NBR1: variants seen among roughly 807,000 people sequenced by gnomAD.
NBR1 encodes the protein NBR1 autophagy cargo receptor.
NBR1 carries 59 observed loss-of-function variants against 115.5 expected under a neutral mutation model. The ratio of observed to expected loss-of-function variants is 0.51; its 90% CI spans 0.41 to 0.63. The LOEUF (loss-of-function observed/expected upper bound fraction) is 0.63, where lower values mean the gene tolerates loss of function less well. Ranked by LOEUF, NBR1 falls within the 30% of genes least tolerant of loss-of-function variation. NBR1 has a pLI of 0.00. For synonymous variants in NBR1, 373 were observed against 414.7 expected, an observed-to-expected ratio of 0.90 and a Z score of 1.22; for missense variants, 1,043 against 1,150.5, an observed-to-expected ratio of 0.91 and a Z score of 1.35.
Position 43,186,288 on chromosome 17 carries a change from C to T in NBR1, c.246C>T (p.Val82=). The T allele has an allele frequency of 6.3e-7, 1 of 1,584,950 alleles. No individual in the cohort carries two copies. Among genetic ancestry groups the T allele is most frequent in the Non-Finnish European group, 8.6e-7 (1 of 1,165,648 alleles). ...AGGGAAACCAACTGCAGATGCAAGTCCACGAAGGGCACCATGTCGTTGATG... is the reference window on the plus strand; with the variant it reads ...AGGGAAACCAACTGCAGATGCAAGTTCACGAAGGGCACCATGTCGTTGATG... The part of the protein sequence containing the change: ...VKQGNQLQMQ[V]HEGHHVVDEA... The change falls in exon 6 of 21, where the codon GTC becomes GTT. Residue 82 remains valine, a synonymous_variant. Coordinates refer to ENST00000590996, the MANE Select transcript of NBR1 (RefSeq NM_005899.5).
In NBR1 at chr17:43,194,420, C is replaced by T; in HGVS notation, c.1595C>T (p.Ala532Val). ...ACTGAGCAGACAGAAGGGACAGCAG[C>T]CTGCATCCCACAGAAGGCAAAAAAT... The part of the protein sequence containing the change: ...EVTEQTEGTA[A>V]CIPQKAKNVA... Residue 532 changes from alanine (A) to valine (V), a missense_variant, in exon 13 of 21, where the codon GCC becomes GTC. Ala to Val is a moderately conservative substitution (Grantham distance 64). Transcript: ENST00000590996. The T allele has an allele frequency of 6.2e-7, 1 of 1,613,916 alleles. No individual in the cohort carries two copies. Among genetic ancestry groups the T allele is most frequent in the Non-Finnish European group, 8.5e-7 (1 of 1,179,868 alleles).
intron 1 of NBR1, among the ~76,000 whole-genome samples, chr17:43,175,171 G>A (rs2056478453): frequency 6.6e-6 from 1 of 152,114 alleles, no homozygotes; most frequent in South Asian, 2.1e-4. Context: ...CTTGGATGGA[G>A]GGCATTGAAT....
chr17:43,171,211 G>A (rs1204585019), upstream of NBR1: 1 of 152,666 alleles, frequency 6.6e-6, no homozygotes, highest in African/African-American at 2.4e-5. Flanking sequence ...TATCCGCCAT[G>A]TTAGATTCAC....
At chr17:43,174,464 G>A (rs1308537179) in intron 1 of NBR1, among the ~76,000 whole-genome samples, 2 of 152,036 alleles carry the variant, frequency 1.3e-5, no homozygotes, top group African/African-American at 4.8e-5. Context: ...CAGGCGTGGT[G>A]GCGGGCGCCT....
chr17:43,183,361 C>T (rs569894401), intron 5 of NBR1, among the ~76,000 whole-genome samples: 32 of 151,824 alleles, frequency 2.1e-4, no homozygotes, highest in Middle Eastern at 3.4e-3. Flanking sequence ...GCTGGGACTA[C>T]GGGCATGCGC....
chr17:43,177,494 G>C (rs2056546955), intron 2 of NBR1, among the ~76,000 whole-genome samples: 1 of 151,248 alleles, frequency 6.6e-6, no homozygotes, highest in East Asian at 1.9e-4. Flanking sequence ...ATACATGACA[G>C]TGTCCTGAAG....
chr17:43,182,973 A>C (rs1382191931), intron 5 of NBR1, among the ~76,000 whole-genome samples: 2 of 151,510 alleles, frequency 1.3e-5, no homozygotes, highest in Non-Finnish European at 2.9e-5. Context: ...CATGTTGGCC[A>C]GGCTCATCTC....
At chr17:43,187,886 C>CTTTTTT (rs66857389) in intron 6 of NBR1, among the ~76,000 whole-genome samples, 19 of 58,834 alleles carry the variant, frequency 3.2e-4, no homozygotes, top group East Asian at 5.3e-4. Context: ...TTGCATTTCT[C>CTTTTTT]TTTTTTTTTT....
chr17:43,201,018 G>GC (rs773268307), intron 17 of NBR1, among the ~76,000 whole-genome samples: 6 of 152,064 alleles, frequency 3.9e-5, no homozygotes, highest in Non-Finnish European at 5.9e-5. Context: ...ATAGGCATGG[G>GC]CCACCACACC....
chr17:43,171,791 A>C (rs1481529240), intron 1 of NBR1, among the ~76,000 whole-genome samples: 1 of 152,132 alleles, frequency 6.6e-6, no homozygotes, highest in East Asian at 1.9e-4. Context: ...TTTTTGTCAA[A>C]CACTCAGCTT....
At position 43,210,005 on chromosome 17, in the gene NBR1, C is replaced by T; in HGVS notation, c.2832C>T (p.Tyr944=). Reference sequence around the variant, plus strand: ...TACGGCTGCTGAAGAAACACAATTACAATATCCTGCAGGTTGTGACAGAAC... The same window carrying T: ...TACGGCTGCTGAAGAAACACAATTATAATATCCTGCAGGTTGTGACAGAAC... The part of the protein sequence containing the change: ...LNLRLLKKHN[Y]NILQVVTELL... Residue 944 remains tyrosine (Y), a synonymous_variant, in exon 21 of 21, where the codon TAC becomes TAT. Coordinates refer to ENST00000590996, the MANE Select transcript of NBR1 (RefSeq NM_005899.5). 6.2e-7 allele frequency: 1 copy of T among 1,610,362 alleles called. No homozygotes were observed. Among genetic ancestry groups the T allele is most frequent in the East Asian group, 2.2e-5 (1 of 44,550 alleles).
In NBR1 at chr17:43,190,655, T is replaced by TA; in HGVS notation, c.743dup (p.Tyr248Ter). ...NICEDCEAGP[Y>*]GHDTNHVLLK... ...CTGTGAAGATTGTGAAGCAGGGCCA[T>TA]ATGGCCATGACACTAACCACGTCCT... The change falls in exon 9 of 21, where the codon TAT (tyrosine) becomes TAAT (stop). Residue 248 changes from tyrosine (Y) to a stop codon, truncating the protein, a stop_gained and frameshift_variant. Transcript: ENST00000590996. LOFTEE classifies it high-confidence loss of function. The TA allele has an allele frequency of 6.2e-7, 1 of 1,610,780 alleles. No individual in the cohort carries two copies. Among genetic ancestry groups the TA allele is most frequent in the Non-Finnish European group, 8.5e-7 (1 of 1,178,450 alleles).
chr17:43,199,940 G>A (rs892796923), intron 16 of NBR1, among the ~76,000 whole-genome samples: 4 of 152,156 alleles, frequency 2.6e-5, no homozygotes, highest in Non-Finnish European at 5.9e-5. Context: ...GGAAACCTGA[G>A]TGTTTCTGCC....
chr17:43,205,801 C>G (rs2057302317), intron 20 of NBR1, among the ~76,000 whole-genome samples: 1 of 146,418 alleles, frequency 6.8e-6, no homozygotes, highest in Non-Finnish European at 1.5e-5. Flanking sequence ...TCACTTCAGC[C>G]CGGGAGGCAG....
Position 43,193,077 on chromosome 17 carries a change from T to C in NBR1, c.1074-17T>C. 6.2e-7 allele frequency: 1 copy of C among 1,611,572 alleles called. No homozygotes were observed. Among genetic ancestry groups the C allele is most frequent in the Non-Finnish European group, 8.5e-7 (1 of 1,178,406 alleles). On this transcript the variant is annotated splice_polypyrimidine_tract_variant and intron_variant, in intron 10 of 20. Coordinates refer to ENST00000590996, the MANE Select transcript of NBR1 (RefSeq NM_005899.5). Reference sequence around the variant, plus strand: ...ACACCCAACAGCAAGTGACTAAGCATCTGAATTTCTGTTCAGGCTCCCTTT... The same window carrying C: ...ACACCCAACAGCAAGTGACTAAGCACCTGAATTTCTGTTCAGGCTCCCTTT...
chr17:43,186,998 A>G (rs569139099), intron 6 of NBR1, among the ~76,000 whole-genome samples: 1 of 152,300 alleles, frequency 6.6e-6, no homozygotes, highest in African/African-American at 2.4e-5. Context: ...ATGTGTCTTT[A>G]TAGCAGAATG....
chr17:43,190,702 T>C lies in NBR1; in HGVS notation c.789T>C (p.Val263=), dbSNP rs2056923610. 1.9e-6 allele frequency: 3 copies of C among 1,613,906 alleles called. No individual in the cohort carries two copies. The South Asian group carries it at 3.3e-5, about 18-fold the overall frequency. The change falls in exon 9 of 21, where the codon GTT becomes GTC. Residue 263 remains valine (V), a synonymous_variant. Transcript: ENST00000590996. ...TCCTGCTGAAGTTGCGGAGACCTGT[T>C]GTGGGCTCCTCTGAACCGTTCTGTC... ...NHVLLKLRRP[V]VGSSEPFCHS... is the part of the protein sequence containing the mutation.
Position 43,178,007 on chromosome 17 carries a change from T to C in NBR1, c.165+9T>C, listed in dbSNP as rs11657883. ...ATGAGGAAAATGAAGAGGTAAAATA[T>C]ATTATGGCACTTATTGCTAGGTGTT... On this transcript the variant is annotated intron_variant, in intron 3 of 20. Coordinates refer to ENST00000590996, the MANE Select transcript of NBR1 (RefSeq NM_005899.5). 523,562 of 1,566,044 alleles carry C rather than the reference T, an allele frequency of 0.33. 90,590 individuals are homozygous for C. Among genetic ancestry groups the C allele is most frequent in the South Asian group, 0.5 (44,887 of 89,816 alleles).
chr17:43,202,539 AG>A (rs2057227506), intron 18 of NBR1, 115 bp from the exon 19 acceptor site: 21 of 615,006 alleles, frequency 3.4e-5, no homozygotes, highest in Admixed American at 9.9e-5. Context: ...AAAAAAAAAA[AG>A]ACTTCAAACA....
Sources: allele counts gnomAD v4.1 joint callset (sites outside exome capture counted in the v4.1 genomes callset), GRCh38; gene constraint gnomAD v4.1.1; transcripts MANE v1.5; gene names NCBI Gene and HGNC (gene_info 2026-07-23, HGNC 2026-07-21).